EXD1: variants seen among roughly 807,000 people sequenced by gnomAD.
The protein encoded by EXD1 is piRNA biogenesis protein EXD1.
EXD1 carries 63 observed loss-of-function variants against 49.1 expected under a neutral mutation model. The ratio of observed to expected loss-of-function variants is 1.28; its 90% confidence interval spans 1.05 to 1.58. The LOEUF is 1.58. EXD1 is among the 40% of genes most tolerant of loss of function. The probability of loss-of-function intolerance (pLI) is 0.00; values close to 1 mark genes in which losing one functional copy is unlikely to be tolerated. For missense variants in EXD1, 748 were observed against 666.0 expected (o/e 1.12, Z -1.36); for synonymous variants, 234 against 239.2 (o/e 0.98, Z 0.20).
intron 2 of EXD1, 99 bp from the exon 3 acceptor site, chr15:41,219,997 T>TAA (rs1338594055): frequency 2.2e-3 from 1,309 of 595,144 alleles, no homozygotes; most frequent in South Asian, 4.6e-3. Context: ...GAGTTGTATT[T>TAA]AAAAAAAAAA....
chr15:41,230,357 A>C, intron 1 of EXD1, 122 bp downstream of exon 1: 1 of 1,007,068 alleles, frequency 9.9e-7, no homozygotes, highest in African/African-American at 1.6e-5. Context: ...TGCTGGGATT[A>C]CAGGCGTGAG....
At chr15:41,196,982 GC>G (rs1042871037) in intron 7 of EXD1, among the ~76,000 whole-genome samples, 15 of 151,584 alleles carry the variant, frequency 9.9e-5, no homozygotes, top group African/African-American at 3.6e-4. Flanking sequence ...CCACCACCAC[GC>G]CCAGCTAATT....
rs2046362888 is a variant in EXD1, at chr15:41,184,015, T to C, written c.1635A>G (p.Arg545=). 1 of 1,614,056 alleles carries C rather than the reference T, an allele frequency of 6.2e-7. No individual in the cohort carries two copies. The highest frequency in any genetic ancestry group is 1.1e-5 in the South Asian group (1 of 91,084). Residue 545 remains arginine (R), a synonymous_variant, in exon 12 of 12, where the codon AGA becomes AGG. Coordinates refer to ENST00000458580, the MANE Select transcript of EXD1 (RefSeq NM_001286441.2). ...GAGGGAGTGTGGAAACCACAGTCTT[T>C]CTGATAGGATAAAAAGTGTCACTTG... The part of the protein sequence containing the change: ...VSPSDTFYPI[R]KTVVSTLPPC...
chr15:41,222,494 C>T (rs932263925), intron 2 of EXD1, among the ~76,000 whole-genome samples: 1 of 152,174 alleles, frequency 6.6e-6, no homozygotes, highest in African/African-American at 2.4e-5. Flanking sequence ...CTCCACTTTC[C>T]TAATTCAAGC....
intron 11 of EXD1, among the ~76,000 whole-genome samples, chr15:41,188,344 T>G (rs2046448772): frequency 1.7e-5 from 2 of 116,496 alleles, no homozygotes; most frequent in African/African-American, 3.2e-5. Context: ...CCCCCTCCCC[T>G]TGTCCCCTCC....
In EXD1 at chr15:41,230,652, G is replaced by A; in HGVS notation, c.-227C>T. The A allele has an allele frequency of 8.0e-7, 1 of 1,253,118 alleles. No individual in the cohort carries two copies. The highest frequency in any genetic ancestry group is 1.3e-5 in the South Asian group (1 of 74,168). The allele number at this position is 1,253,118 out of a possible 1,614,324, so 77.6% of individuals were successfully genotyped here. A position where few individuals can be genotyped will look rare whatever the true frequency, so the allele number is the denominator to read the frequency against. On this transcript the variant is annotated 5_prime_UTR_variant, in exon 1 of 12. Coordinates refer to ENST00000458580, the MANE Select transcript of EXD1 (RefSeq NM_001286441.2). ...GTCTCGGGACGCTCCACGCCACCCG[G>A]CGGCGGTTATCAAATCACAGGCTGA...
chr15:41,224,067 G>T (rs888976494), intron 2 of EXD1, among the ~76,000 whole-genome samples: 2 of 151,686 alleles, frequency 1.3e-5, no homozygotes, highest in Non-Finnish European at 2.9e-5. Flanking sequence ...AGTCTCCCAA[G>T]TAGCTGGGAT....
intron 7 of EXD1, among the ~76,000 whole-genome samples, chr15:41,197,951 G>C (rs921552485): frequency 5.3e-5 from 8 of 152,044 alleles, no homozygotes; most frequent in African/African-American, 1.9e-4. Flanking sequence ...TTGAACCCTG[G>C]AGGCAGAGGT....
chr15:41,188,015 CAAAAA>C (rs11321304), intron 11 of EXD1, among the ~76,000 whole-genome samples: 57 of 111,648 alleles, frequency 5.1e-4, no homozygotes, highest in East Asian at 8.3e-4. Flanking sequence ...AACCCCGTCT[CAAAAA>C]AAAAAAAAAA....
intron 7 of EXD1, among the ~76,000 whole-genome samples, chr15:41,196,563 G>A (rs554576980): frequency 2.0e-5 from 3 of 151,366 alleles, no homozygotes; most frequent in South Asian, 4.2e-4. Flanking sequence ...TGATCCACCC[G>A]CCTTGGCCTC....
In EXD1 at chr15:41,230,724, C is replaced by G. The variant is rs941811773; in HGVS notation, c.-299G>C. The stretch of plus-strand genomic sequence containing the variant: ...ACGCCGGGGACACACGCCGCAGAGG[C>G]GACGCCCGCCCGGCCCAACGTCCAG... On this transcript the variant is annotated 5_prime_UTR_variant, in exon 1 of 12. Coordinates refer to ENST00000458580, the MANE Select transcript of EXD1 (RefSeq NM_001286441.2). 1.6e-6 allele frequency: 1 copy of G among 636,732 alleles called. No homozygotes were observed. The allele number at this position is 636,732 out of a possible 1,614,324, so 39.4% of individuals were successfully genotyped here.
chr15:41,217,813 C>T (rs2047024478), intron 3 of EXD1, among the ~76,000 whole-genome samples: 1 of 152,126 alleles, frequency 6.6e-6, no homozygotes, highest in Admixed American at 6.6e-5. Flanking sequence ...GGATTACAGG[C>T]GTGAGCCACC....
chr15:41,203,464 G>C (rs573296867), intron 7 of EXD1, among the ~76,000 whole-genome samples: 12 of 152,108 alleles, frequency 7.9e-5, no homozygotes, highest in Admixed American at 3.9e-4. Context: ...GCAAAGAAAG[G>C]CCTCTGAAAT....
At chr15:41,185,324 G>A (rs2046391317) in intron 11 of EXD1, among the ~76,000 whole-genome samples, 1 of 151,006 alleles carries the variant, frequency 6.6e-6, no homozygotes, top group Non-Finnish European at 1.5e-5. Flanking sequence ...TCTCTTTCAG[G>A]TTTTGGGAAG....
chr15:41,198,945 G>A (rs2046662094), intron 7 of EXD1, among the ~76,000 whole-genome samples: 1 of 151,052 alleles, frequency 6.6e-6, no homozygotes, highest in Non-Finnish European at 1.5e-5. Flanking sequence ...TGGGATTACA[G>A]GCGTGAGCCA....
At chr15:41,216,894 C>T in intron 4 of EXD1, 99 bp from the exon 5 acceptor site, 5 of 1,518,854 alleles carry the variant, frequency 3.3e-6, no homozygotes, top group Non-Finnish European at 3.6e-6. Flanking sequence ...AGTGGTCCTT[C>T]ATTAACTAGA....
At position 41,199,248 on chromosome 15, in the gene EXD1, G is replaced by C. The variant is rs531950070; in HGVS notation, c.535-3211C>G. Reference sequence around the variant, plus strand: ...ATTACAGGCATGAGCTACCACACCTGGCCAAAAATTTTTTTTTAATATGGA... The same window carrying C: ...ATTACAGGCATGAGCTACCACACCTCGCCAAAAATTTTTTTTTAATATGGA... On this transcript the variant is annotated intron_variant, in intron 7 of 11. Coordinates refer to ENST00000458580, the MANE Select transcript of EXD1 (RefSeq NM_001286441.2). Among the ~76,000 whole-genome samples the C allele has an allele frequency of 8.6e-4, 130 of 151,946 alleles. No individual in the cohort carries two copies. The South Asian group carries it at 0.016, about 18-fold the overall frequency.
intron 6 of EXD1, among the ~76,000 whole-genome samples, chr15:41,214,874 T>C (rs1251781496): frequency 1.3e-5 from 2 of 151,984 alleles, no homozygotes; most frequent in African/African-American, 4.8e-5. Flanking sequence ...GCCTGGTGAG[T>C]AGCTGGGACT....
At chr15:41,204,071 C>T (rs978541159) in intron 7 of EXD1, among the ~76,000 whole-genome samples, 47 of 150,444 alleles carry the variant, frequency 3.1e-4, no homozygotes, top group African/African-American at 1.1e-3. Flanking sequence ...CACAGTGCAA[C>T]CCCATCTCTA....
Sources: gnomAD v4.1 joint callset for allele counts (sites outside exome capture counted in the v4.1 genomes callset) on GRCh38, gnomAD v4.1.1 for gene constraint, MANE v1.5 for transcripts, NCBI Gene and HGNC (gene_info 2026-07-23, HGNC 2026-07-21) for gene names.